ANKRD13D: variants seen among roughly 807,000 people sequenced by gnomAD.
ANKRD13D encodes ankyrin repeat domain 13D, also known as ankyrin repeat domain-containing protein 13D.
Under a neutral mutation model 68.8 loss-of-function variants are expected in ANKRD13D, and 24 were observed. That is an observed-to-expected ratio of 0.35 (90% confidence interval 0.25 to 0.49). ANKRD13D has a LOEUF of 0.49. ANKRD13D is among the 20% of genes least tolerant of loss of function. The pLI is 0.99. For missense variants in ANKRD13D, 735 were observed against 832.1 expected (o/e 0.88, Z 1.44); for synonymous variants, 331 against 336.1 (o/e 0.98, Z 0.16).
At chr11:67,292,845 A>G (rs1289397240) in intron 6 of ANKRD13D, among the ~76,000 whole-genome samples, 1 of 152,086 alleles carries the variant, frequency 6.6e-6, no homozygotes, top group African/African-American at 2.4e-5. Context: ...CTAAGCAACC[A>G]CTAATCTACT....
chr11:67,299,995 C>G lies in ANKRD13D; in HGVS notation c.945C>G (p.Ala315=). The G allele has an allele frequency of 6.2e-7, 1 of 1,612,486 alleles. No homozygotes were observed. The highest frequency in any genetic ancestry group is 8.5e-7 in the Non-Finnish European group (1 of 1,179,116). The stretch of plus-strand genomic sequence containing the variant: ...AGTCCGCCCTGGGACCCACGCAGGC[C>G]CCCGTGCAGCAGGCAGCCAGCCCCA... ...MAQQHSSHTG[A]PVQQAASPTN... The change falls in exon 10 of 15, where the codon GCC becomes GCG. Residue 315 remains alanine, a splice_region_variant and synonymous_variant. Transcript: ENST00000511455. This position sits in a 1 kb window ranked among gnomAD's most constrained non-coding sequence, Gnocchi z 6.2.
In ANKRD13D at chr11:67,301,032, C is replaced by T; in HGVS notation, c.1116C>T (p.Ser372=). 1 of 1,614,010 alleles carries T rather than the reference C, an allele frequency of 6.2e-7. No homozygotes were observed. The highest frequency in any genetic ancestry group is 1.1e-5 in the South Asian group (1 of 91,084). The change falls in exon 11 of 15, where the codon TCC becomes TCT. Residue 372 remains serine, a synonymous_variant. Transcript: ENST00000511455. This position sits in a 1 kb window ranked among gnomAD's most constrained non-coding sequence, Gnocchi z 4.5. Reference sequence around the variant, plus strand: ...GGCTGAGTGAAGAGCACCCGCTCTCCCTGGGTGACCAGGTGACCCCCATCA... The same window carrying T: ...GGCTGAGTGAAGAGCACCCGCTCTCTCTGGGTGACCAGGTGACCCCCATCA... ...TLWLSEEHPL[S]LGDQVTPIID... is the part of the protein sequence containing the mutation.
At chr11:67,290,640 C>T (rs984567465) in intron 3 of ANKRD13D, 194 bp downstream of exon 3, 19 of 860,400 alleles carry the variant, frequency 2.2e-5, no homozygotes, top group Non-Finnish European at 2.7e-5. Flanking sequence ...GTGGGAGAGA[C>T]TGGACCCTTT....
rs1043711301 is a variant in ANKRD13D at position 67,299,640 on chromosome 11, C to T, written c.880+29C>T. 3.0e-5 allele frequency: 46 copies of T among 1,549,114 alleles called. No individual in the cohort carries two copies. Among genetic ancestry groups the T allele is most frequent in the Non-Finnish European group, 3.5e-5 (40 of 1,145,894 alleles). ...AACCCAGGTGCGCCTGCCTGCTGCCCGGTCACACCGTGTGGTGGGGTCACC... is the reference window on the plus strand; with the variant it reads ...AACCCAGGTGCGCCTGCCTGCTGCCTGGTCACACCGTGTGGTGGGGTCACC... On this transcript the variant is annotated intron_variant, in intron 8 of 14. Transcript: ENST00000511455. This position sits in a 1 kb window ranked among gnomAD's most constrained non-coding sequence, Gnocchi z 6.2.
At position 67,293,582 on chromosome 11, in the gene ANKRD13D, C is replaced by T. The variant is rs568425028; in HGVS notation, c.731+1402C>T. The stretch of plus-strand genomic sequence containing the variant: ...AGTGACATGATCATGGCTCATTGCA[C>T]CCTCCACCTCCCAGGCTCAAGTGAT... On this transcript the variant is annotated intron_variant, in intron 6 of 14. Transcript: ENST00000511455. Among the ~76,000 whole-genome samples the T allele has an allele frequency of 2.6e-5, 4 of 152,208 alleles. No homozygotes were observed. In the East Asian group the frequency reaches 5.8e-4, roughly 22 times the overall value.
chr11:67,302,028 T>A (rs1454057683), intron 14 of ANKRD13D, 91 bp from the exon 15 acceptor site: 8 of 1,437,270 alleles, frequency 5.6e-6, no homozygotes, highest in Admixed American at 2.7e-5. Flanking sequence ...TCTTTGCCTT[T>A]GTCCTCCAAA....
chr11:67,296,590 T>C (rs923136463), intron 6 of ANKRD13D, among the ~76,000 whole-genome samples: 6 of 152,112 alleles, frequency 3.9e-5, no homozygotes, highest in Non-Finnish European at 8.8e-5. Flanking sequence ...TTTCTGATTC[T>C]GGTGAGTAAT....
chr11:67,291,796 C>T (rs368102605), intron 5 of ANKRD13D, 50 bp downstream of exon 5: 44 of 1,600,456 alleles, frequency 2.7e-5, no homozygotes, highest in African/African-American at 4.0e-5. Context: ...GGGTTTCCTG[C>T]GGCTTGGGAG....
chr11:67,289,706 C>T, intron 1 of ANKRD13D, 156 bp downstream of exon 1: 1 of 1,336,022 alleles, frequency 7.5e-7, no homozygotes, highest in South Asian at 1.6e-5. Flanking sequence ...AGGTCACCGG[C>T]CCCTCGCGCC....
In ANKRD13D at chr11:67,301,992, C is replaced by T. The variant is rs1590877439; in HGVS notation, c.1605-127C>T. On this transcript the variant is annotated intron_variant, in intron 14 of 14. Coordinates refer to ENST00000511455, the MANE Select transcript of ANKRD13D (RefSeq NM_207354.3). The surrounding 1 kb of genome is among the most constrained non-coding windows in gnomAD (Gnocchi z 4.5). The stretch of plus-strand genomic sequence containing the variant: ...TGAGGGGTGGGGAAGCAGGGCCCTG[C>T]CTTGTCTCCTCTGCTTGCCACCCTG... 2.2e-6 allele frequency: 3 copies of T among 1,355,752 alleles called. No individual in the cohort carries two copies. The South Asian group carries it at 4.5e-5, about 20-fold the overall frequency. 84.0% of individuals were successfully genotyped at this position (1,355,752 alleles called of 1,614,324 possible).
chr11:67,295,840 C>T (rs1268775300), intron 6 of ANKRD13D, among the ~76,000 whole-genome samples: 1 of 152,124 alleles, frequency 6.6e-6, no homozygotes, highest in Non-Finnish European at 1.5e-5. Flanking sequence ...TCAGTCTTAC[C>T]ATTAAGTATG....
chr11:67,293,613 T>C (rs1860661224), intron 6 of ANKRD13D, among the ~76,000 whole-genome samples: 1 of 152,244 alleles, frequency 6.6e-6, no homozygotes, highest in Non-Finnish European at 1.5e-5. Context: ...GTGATCTAAG[T>C]AGCTGGGACT....
In ANKRD13D at chr11:67,289,819, T is replaced by C. The variant is rs1860457995; in HGVS notation, c.91-259T>C. On this transcript the variant is annotated intron_variant, in intron 1 of 14. Coordinates refer to ENST00000511455, the MANE Select transcript of ANKRD13D (RefSeq NM_207354.3). ...AAGCTGAGAACAAGAACTCTGGTCC[T>C]GGTCCCCAGGTTCCGCCAAACTCCT... 5.6e-6 allele frequency: 8 copies of C among 1,424,486 alleles called. No homozygotes were observed. In the South Asian group the frequency reaches 1.1e-4, roughly 19 times the overall value. 88.2% of individuals were successfully genotyped at this position (1,424,486 alleles called of 1,614,324 possible).
chr11:67,290,122 G>A lies in ANKRD13D; in HGVS notation c.135G>A (p.Glu45=). The A allele has an allele frequency of 1.3e-6, 2 of 1,537,152 alleles. No individual in the cohort carries two copies. The highest frequency in any genetic ancestry group is 1.7e-6 in the Non-Finnish European group (2 of 1,146,904). The stretch of plus-strand genomic sequence containing the variant: ...ACCCCCGCGGGCGGACCCCACTGGA[G>A]CTGGCCGTGTCTCTGGGAAACCTGG... ...QEDPRGRTPL[E]LAVSLGNLES... Residue 45 remains glutamate (E), a synonymous_variant, in exon 2 of 15, where the codon GAG becomes GAA. Coordinates refer to ENST00000511455, the MANE Select transcript of ANKRD13D (RefSeq NM_207354.3).
intron 6 of ANKRD13D, among the ~76,000 whole-genome samples, chr11:67,296,338 AGTGTGTGTGT>A (rs35848734): frequency 2.0e-5 from 3 of 147,658 alleles, no homozygotes; most frequent in East Asian, 4.0e-4. Flanking sequence ...TTTGGGCCTG[AGTGTGTGTGT>A]GTGTGTGTGT....
At position 67,296,338 on chromosome 11, in the gene ANKRD13D, A is replaced by AGTGTGTGTGT. The variant is rs35848734; in HGVS notation, c.732-2701_732-2692dup. Among the ~76,000 whole-genome samples, 34 of 147,654 alleles carry AGTGTGTGTGT rather than the reference A, an allele frequency of 2.3e-4. 1 individual carries two copies. Among genetic ancestry groups the AGTGTGTGTGT allele is most frequent in the Non-Finnish European group, 3.3e-4 (22 of 66,824 alleles). ...TCAGTGGTGAAGCCATTTGGGCCTG[A>AGTGTGTGTGT]GTGTGTGTGTGTGTGTGTGTGTGTG... On this transcript the variant is annotated intron_variant, in intron 6 of 14. Transcript: ENST00000511455.
In ANKRD13D at chr11:67,289,713, C is replaced by T. The variant is rs190522530; in HGVS notation, c.90+163C>T. ...CCAAGCCCAGGTCACCGGCCCCTCGCGCCTGAGCCTCTGGCCTCCTCTCCC... is the reference window on the plus strand; with the variant it reads ...CCAAGCCCAGGTCACCGGCCCCTCGTGCCTGAGCCTCTGGCCTCCTCTCCC... On this transcript the variant is annotated intron_variant, in intron 1 of 14. Transcript: ENST00000511455. 3.0e-6 allele frequency: 4 copies of T among 1,354,458 alleles called. No individual in the cohort carries two copies. In the East Asian group the frequency reaches 8.7e-5, roughly 29 times the overall value. 83.9% of individuals were successfully genotyped at this position (1,354,458 alleles called of 1,614,324 possible). A position where few individuals can be genotyped will look rare whatever the true frequency, so the allele number is the denominator to read the frequency against.
Position 67,301,049 on chromosome 11 carries a change from C to T in ANKRD13D, c.1133C>T (p.Thr378Ile), listed in dbSNP as rs766494766. 3 of 1,613,884 alleles carry T rather than the reference C, an allele frequency of 1.9e-6. No individual in the cohort carries two copies. Among genetic ancestry groups the T allele is most frequent in the Admixed American group, 3.3e-5 (2 of 60,002 alleles). Reference protein sequence around the residue: ...EHPLSLGDQVTPIIDLMAISN... With the variant: ...EHPLSLGDQVIPIIDLMAISN... The stretch of plus-strand genomic sequence containing the variant: ...CCGCTCTCCCTGGGTGACCAGGTGA[C>T]CCCCATCATCGACCTAATGGCCATC... Residue 378 changes from threonine (T) to isoleucine (I), a missense_variant, in exon 11 of 15, where the codon ACC becomes ATC. Thr to Ile is a moderately conservative substitution (Grantham distance 89, BLOSUM62 -1). Coordinates refer to ENST00000511455, the MANE Select transcript of ANKRD13D (RefSeq NM_207354.3). The surrounding 1 kb of genome is among the most constrained non-coding windows in gnomAD (Gnocchi z 4.5).
chr11:67,296,912 G>A (rs1034895925), intron 6 of ANKRD13D, among the ~76,000 whole-genome samples: 13 of 151,986 alleles, frequency 8.6e-5, no homozygotes, highest in African/African-American at 2.2e-4. Flanking sequence ...GTGAACCACC[G>A]CCCCCAGCCA....
Sources: gnomAD v4.1 joint callset for allele counts (sites outside exome capture counted in the v4.1 genomes callset) on GRCh38, gnomAD v4.1.1 for gene constraint, Gnocchi (gnomAD v3.1) non-coding constraint, MANE v1.5 for transcripts, NCBI Gene and HGNC (gene_info 2026-07-23, HGNC 2026-07-21) for gene names.